The following AZIN2 variants were observed in gnomAD, a reference collection of about 807,000 sequenced individuals.
AZIN2 encodes the protein antizyme inhibitor 2.
In AZIN2, 28 loss-of-function variants were observed where a neutral mutation model predicts 47.8. The ratio of observed to expected loss-of-function variants is 0.59; its 90% confidence interval spans 0.43 to 0.80. AZIN2 has a LOEUF of 0.80. Among genes scored for constraint, AZIN2 ranks in the 30% least tolerant of loss-of-function variants. AZIN2 has a pLI of 0.00. For synonymous variants in AZIN2, 221 were observed against 239.4 expected (o/e 0.92, Z 0.71); for missense variants, 535 against 582.5 (o/e 0.92, Z 0.84).
At chr1:33,133,552 A>G in the AZIN2 span, among the ~76,000 whole-genome samples, 1 of 152,182 alleles carries the variant, frequency 6.6e-6, no homozygotes, top group Non-Finnish European at 1.5e-5. Context: ...AGCAGAGTGG[A>G]TGAGGAGAGC....
chr1:33,139,542 A>G, the AZIN2 span, among the ~76,000 whole-genome samples: 1 of 152,216 alleles, frequency 6.6e-6, no homozygotes, highest in Non-Finnish European at 1.5e-5. Flanking sequence ...TTTCAACAGT[A>G]AGGAAAAGGA....
rs1644825542 is a variant in AZIN2 at position 33,123,128 on chromosome 1, CCTCA to C, written c.*2953_*2956del. On this transcript the variant is annotated 3_prime_UTR_variant, in exon 12 of 12. Coordinates refer to ENST00000294517, the MANE Select transcript of AZIN2 (RefSeq NM_052998.4). ...ATGATCTTCCTGGGTTATCTGTGGGCCTCACTCACTTCATTCAGGTTCTGTGCAA... is the reference window on the plus strand; with the variant it reads ...ATGATCTTCCTGGGTTATCTGTGGGCCTCACTTCATTCAGGTTCTGTGCAA... 6.6e-6 allele frequency among the ~76,000 whole-genome samples: 1 copy of C among 152,220 alleles called. No homozygotes were observed. The highest frequency in any genetic ancestry group is 2.4e-5 in the African/African-American group (1 of 41,458).
the AZIN2 span, among the ~76,000 whole-genome samples, chr1:33,144,334 C>A: frequency 6.6e-6 from 1 of 152,300 alleles, no homozygotes; most frequent in African/African-American, 2.4e-5. Flanking sequence ...GACGGGGTTT[C>A]TCCACGTTGG....
chr1:33,110,336 G>C (rs567902241), intron 10 of AZIN2, among the ~76,000 whole-genome samples: 4 of 152,138 alleles, frequency 2.6e-5, no homozygotes, highest in Non-Finnish European at 5.9e-5. Flanking sequence ...AGGTTTCAAA[G>C]TACATGAGCT....
chr1:33,086,091 T>C (rs1641863107), intron 5 of AZIN2, among the ~76,000 whole-genome samples: 1 of 152,174 alleles, frequency 6.6e-6, no homozygotes, highest in Non-Finnish European at 1.5e-5. Context: ...GAGAGAGACC[T>C]TGATGACAGC....
In AZIN2 at chr1:33,121,988, C is replaced by T. The variant is rs575098203; in HGVS notation, c.*1806C>T. Among the ~76,000 whole-genome samples the T allele has an allele frequency of 1.3e-5, 2 of 152,198 alleles. No individual in the cohort carries two copies. The highest frequency in any genetic ancestry group is 3.9e-4 in the East Asian group (2 of 5,184). On this transcript the variant is annotated 3_prime_UTR_variant, in exon 12 of 12. Coordinates refer to ENST00000294517, the MANE Select transcript of AZIN2 (RefSeq NM_052998.4). ...TTTCGGTATCTTGACAATAAATAGG[C>T]TGAAAGCTTGGGACATCAAAAGACT...
At chr1:33,114,591 G>C (rs1644445531) in intron 10 of AZIN2, among the ~76,000 whole-genome samples, 1 of 148,932 alleles carries the variant, frequency 6.7e-6, no homozygotes, top group Non-Finnish European at 1.5e-5. Flanking sequence ...CTGACCTCGT[G>C]ATCCACCCAC....
chr1:33,150,613 G>A, the AZIN2 span, among the ~76,000 whole-genome samples: 1 of 152,202 alleles, frequency 6.6e-6, no homozygotes, highest in African/African-American at 2.4e-5. Flanking sequence ...AAGAGAGGAC[G>A]GCCACTGAGT....
At chr1:33,111,622 T>C (rs1404282331) in intron 10 of AZIN2, among the ~76,000 whole-genome samples, 3 of 150,620 alleles carry the variant, frequency 2.0e-5, no homozygotes, top group Non-Finnish European at 3.0e-5. Flanking sequence ...TTTTTTTTTT[T>C]CCTGAGACGG....
Position 33,114,376 on chromosome 1 carries a change from T to C in AZIN2, c.1030-3526T>C, listed in dbSNP as rs764911270. On this transcript the variant is annotated intron_variant, in intron 10 of 11. Coordinates refer to ENST00000294517, the MANE Select transcript of AZIN2 (RefSeq NM_052998.4). ...TTTTCTTTTTTTTTTTTTTTTGAGATGGAGTCCCGCTCTGTCGCCCAGGCT... is the reference window on the plus strand; with the variant it reads ...TTTTCTTTTTTTTTTTTTTTTGAGACGGAGTCCCGCTCTGTCGCCCAGGCT... Among the ~76,000 whole-genome samples the C allele has an allele frequency of 2.9e-3, 417 of 142,976 alleles. 4 individuals are homozygous for C. The highest frequency in any genetic ancestry group is 4.3e-3 in the Non-Finnish European group (287 of 66,010). 93.8% of individuals were successfully genotyped at this position (142,976 alleles called of 152,430 possible). A position where few individuals can be genotyped will look rare whatever the true frequency, so the allele number is the denominator to read the frequency against.
the AZIN2 span, chr1:33,147,267 AGG>A: frequency 1.2e-6 from 2 of 1,614,134 alleles, no homozygotes; most frequent in African/African-American, 2.7e-5. The surrounding 1 kb of genome is among the most constrained non-coding windows in gnomAD (Gnocchi z 8.1). Flanking sequence ...AGAGCTTGCC[AGG>A]GAACTTCTCG....
At chr1:33,155,164 T>C in the AZIN2 span, among the ~76,000 whole-genome samples, 5 of 149,402 alleles carry the variant, frequency 3.3e-5, no homozygotes, top group Admixed American at 2.6e-4. Flanking sequence ...CTTCACCGCC[T>C]GGGTTCAAGC....
chr1:33,127,917 G>A (rs1222324072), downstream of AZIN2, among the ~76,000 whole-genome samples: 1 of 152,090 alleles, frequency 6.6e-6, no homozygotes, highest in Non-Finnish European at 1.5e-5. Flanking sequence ...TTAATGACAA[G>A]GACTCCTACC....
At chr1:33,101,785 A>T in intron 10 of AZIN2, 1 of 757,568 alleles carries the variant, frequency 1.3e-6, no homozygotes, top group African/African-American at 1.7e-5. Flanking sequence ...ATAAAAAGGT[A>T]TTTTGATGCA....
intron 10 of AZIN2, among the ~76,000 whole-genome samples, chr1:33,100,117 T>TC (rs1053867229): frequency 2.6e-5 from 4 of 152,136 alleles, no homozygotes; most frequent in African/African-American, 9.7e-5. Context: ...AGTCAGGAGT[T>TC]CGAGACCAGT....
the AZIN2 span, chr1:33,147,597 C>T: frequency 6.2e-7 from 1 of 1,614,148 alleles, no homozygotes; most frequent in Non-Finnish European, 8.5e-7. The surrounding 1 kb of genome is among the most constrained non-coding windows in gnomAD (Gnocchi z 8.1). Context: ...CCGACACCTC[C>T]ACATCGAAGC....
the AZIN2 span, among the ~76,000 whole-genome samples, chr1:33,129,962 C>T: frequency 6.6e-4 from 100 of 152,204 alleles, no homozygotes; most frequent in African/African-American, 2.3e-3. The surrounding 1 kb of genome is among the most constrained non-coding windows in gnomAD (Gnocchi z 4.1). Context: ...CGGGTTCAAG[C>T]GATTCTCCTG....
chr1:33,100,138 T>C (rs187361512), intron 10 of AZIN2, among the ~76,000 whole-genome samples: 66 of 152,166 alleles, frequency 4.3e-4, no homozygotes, highest in African/African-American at 1.5e-3. Flanking sequence ...CTAGCCAACA[T>C]GGTGAAACCC....
chr1:33,093,168 G>A (rs1028954233), intron 6 of AZIN2, 114 bp from the exon 7 acceptor site: 42 of 1,406,302 alleles, frequency 3.0e-5, no homozygotes, highest in African/African-American at 7.1e-5. Context: ...GGGTCAGGGA[G>A]CCTGTGGGGT....
Sources: allele counts gnomAD v4.1 joint callset (sites outside exome capture counted in the v4.1 genomes callset), GRCh38; gene constraint gnomAD v4.1.1; non-coding constraint Gnocchi (gnomAD v3.1); transcripts MANE v1.5; gene names NCBI Gene and HGNC (gene_info 2026-07-23, HGNC 2026-07-21).